The following NRG2 variants were observed in gnomAD, a reference collection of about 807,000 sequenced individuals.
NRG2 encodes the protein neuregulin 2.
In NRG2, 27 loss-of-function variants were observed where a neutral mutation model predicts 73.9. The ratio of observed to expected loss-of-function variants is 0.37; its 90% CI spans 0.27 to 0.50. NRG2 has a LOEUF of 0.50. Ranked by LOEUF, NRG2 falls within the 20% of genes least tolerant of loss-of-function variation. NRG2 has a pLI of 0.96. For missense variants in NRG2, 1,126 were observed against 1,210.1 expected, an observed-to-expected ratio of 0.93 and a Z score of 1.03; for synonymous variants, 532 against 541.0, an observed-to-expected ratio of 0.98 and a Z score of 0.23.
chr5:139,979,445 C>T (rs551559295), intron 1 of NRG2, among the ~76,000 whole-genome samples: 392 of 152,308 alleles, frequency 2.6e-3, no homozygotes, highest in Admixed American at 4.6e-3. Context: ...GGTCGGCAGC[C>T]TCTAGGTCAG....
At chr5:139,899,969 A>G (rs1405516930) in intron 1 of NRG2, among the ~76,000 whole-genome samples, 1 of 152,208 alleles carries the variant, frequency 6.6e-6, no homozygotes, top group African/African-American at 2.4e-5. Context: ...ATAAAATAAT[A>G]CCTATACTTT....
Position 139,865,057 on chromosome 5 carries a change from C to T in NRG2, c.1189+492G>A. On this transcript the variant is annotated intron_variant, in intron 5 of 9. Coordinates refer to ENST00000361474, the MANE Select transcript of NRG2 (RefSeq NM_004883.3). This position sits in a 1 kb window ranked among gnomAD's most constrained non-coding sequence, Gnocchi z 5.2. ...TCTTGCTAAGCAAGGCCCCATCCCT[C>T]CCCAGGGGGAGACTGTCAGTCACCA... is the stretch of plus-strand genomic sequence containing the variant. The T allele has an allele frequency of 6.9e-7, 1 of 1,458,032 alleles. No individual in the cohort carries two copies. Among genetic ancestry groups the T allele is most frequent in the South Asian group, 1.1e-5 (1 of 87,806 alleles). The allele number at this position is 1,458,032 out of a possible 1,614,324, so 90.3% of individuals were successfully genotyped here.
chr5:140,042,301 CG>C, intron 1 of NRG2, 68 bp downstream of exon 1: 3 of 1,261,854 alleles, frequency 2.4e-6, no homozygotes, highest in South Asian at 4.0e-5. Flanking sequence ...AGCACCTCCC[CG>C]CCCCACCCCC....
intron 1 of NRG2, among the ~76,000 whole-genome samples, chr5:139,940,420 T>A (rs264357): frequency 0.22 from 33,415 of 152,158 alleles, 4,784 homozygotes; most frequent in African/African-American, 0.41. Flanking sequence ...GCATGAGAAA[T>A]TTTTTTGTGA....
Position 139,904,183 on chromosome 5 carries a change from G to A in NRG2, c.701-16672C>T. The A allele has an allele frequency of 2.0e-6, 2 of 1,004,062 alleles. No homozygotes were observed. Among genetic ancestry groups the A allele is most frequent in the Non-Finnish European group, 2.6e-6 (2 of 757,026 alleles). The allele number at this position is 1,004,062 out of a possible 1,614,324, so 62.2% of individuals were successfully genotyped here. The stretch of plus-strand genomic sequence containing the variant: ...TCGCACGCAGGCACGCGCGCCCTCG[G>A]TGCCTGTCACCGCGGCGGCCGCTAG... On this transcript the variant is annotated intron_variant, in intron 1 of 9. Coordinates refer to ENST00000361474, the MANE Select transcript of NRG2 (RefSeq NM_004883.3). The surrounding 1 kb of genome is among the most constrained non-coding windows in gnomAD (Gnocchi z 6.0).
At chr5:139,939,835 CA>C (rs896954939) in intron 1 of NRG2, among the ~76,000 whole-genome samples, 8 of 151,354 alleles carry the variant, frequency 5.3e-5, no homozygotes, top group East Asian at 1.9e-4. Context: ...GACACTTGAC[CA>C]AAAAAAATAT....
intron 1 of NRG2, among the ~76,000 whole-genome samples, chr5:139,989,815 A>C (rs1398030262): frequency 4.7e-5 from 7 of 150,166 alleles, no homozygotes; most frequent in Admixed American, 2.0e-4. Context: ...TTTGAGACAG[A>C]GTCTTGCCTT....
chr5:140,041,147 C>G (rs894375933), intron 1 of NRG2, among the ~76,000 whole-genome samples: 1 of 152,156 alleles, frequency 6.6e-6, no homozygotes, highest in African/African-American at 2.4e-5. Flanking sequence ...TCAAACAAAG[C>G]CTGTCTACAC....
intron 1 of NRG2, among the ~76,000 whole-genome samples, chr5:140,034,281 C>G (rs1472342538): frequency 6.6e-6 from 1 of 152,004 alleles, no homozygotes; most frequent in South Asian, 2.1e-4. Context: ...TTTCTAAACC[C>G]GGGTCCATCC....
intron 1 of NRG2, among the ~76,000 whole-genome samples, chr5:140,024,019 C>G (rs11954449): frequency 0.013 from 1,942 of 152,230 alleles, 34 homozygotes; most frequent in African/African-American, 0.044. Flanking sequence ...AAAGGTCAAA[C>G]AGACGTAAAA....
intron 1 of NRG2, among the ~76,000 whole-genome samples, chr5:140,004,262 A>G (rs1758722676): frequency 6.6e-6 from 1 of 152,248 alleles, no homozygotes; most frequent in Non-Finnish European, 1.5e-5. Context: ...ACAGTATTCT[A>G]CAATTAATCA....
intron 1 of NRG2, among the ~76,000 whole-genome samples, chr5:139,981,187 G>C (rs1223886488): frequency 1.3e-5 from 2 of 152,202 alleles, no homozygotes; most frequent in African/African-American, 4.8e-5. Flanking sequence ...AGTGCAGAGC[G>C]ATTGCTCACA....
Position 139,856,050 on chromosome 5 carries a change from A to T in NRG2, c.1190-272T>A. On this transcript the variant is annotated intron_variant, in intron 5 of 9. Coordinates refer to ENST00000361474, the MANE Select transcript of NRG2 (RefSeq NM_004883.3). The surrounding 1 kb of genome is among the most constrained non-coding windows in gnomAD (Gnocchi z 4.2). ...CAAGCCCCATGCCTGCCCAGAGCAC[A>T]TGAGTGGAAAATGCAGGGGAATGGG... 2.1e-6 allele frequency: 1 copy of T among 470,272 alleles called. No homozygotes were observed. Among genetic ancestry groups the T allele is most frequent in the Non-Finnish European group, 3.9e-6 (1 of 257,538 alleles). 29.1% of individuals were successfully genotyped at this position (470,272 alleles called of 1,614,324 possible).
At chr5:140,003,742 T>C (rs1758678723) in intron 1 of NRG2, among the ~76,000 whole-genome samples, 2 of 152,218 alleles carry the variant, frequency 1.3e-5, no homozygotes, top group African/African-American at 4.8e-5. Context: ...AGTTTGTCAC[T>C]AGAGTAAAAA....
chr5:139,944,053 T>C (rs1222588379), intron 1 of NRG2, among the ~76,000 whole-genome samples: 1 of 152,140 alleles, frequency 6.6e-6, no homozygotes. Flanking sequence ...AGTTATTTGA[T>C]TTTTTTCAAC....
rs74704013 is a variant in NRG2, at chr5:140,005,370, G to A, written c.700+37000C>T. The stretch of plus-strand genomic sequence containing the variant: ...AGCTGGTGCTTCCCCATACTCTCAC[G>A]CCTCAGCAGCGTGGCAAAACCAACA... On this transcript the variant is annotated intron_variant, in intron 1 of 9. Transcript: ENST00000361474. 6.6e-5 allele frequency among the ~76,000 whole-genome samples: 10 copies of A among 152,256 alleles called. No homozygotes were observed. The East Asian group carries it at 7.7e-4, about 12-fold the overall frequency.
At chr5:139,940,124 A>G (rs767325162) in intron 1 of NRG2, among the ~76,000 whole-genome samples, 10 of 152,202 alleles carry the variant, frequency 6.6e-5, no homozygotes, top group Non-Finnish European at 1.3e-4. Flanking sequence ...AGAAATAAGA[A>G]CATGTCCACA....
chr5:139,934,565 A>C lies in NRG2; in HGVS notation c.701-47054T>G, dbSNP rs143866471. 4.6e-3 allele frequency among the ~76,000 whole-genome samples: 705 copies of C among 152,362 alleles called. 6 individuals carry two copies. The highest frequency in any genetic ancestry group is 0.016 in the African/African-American group (663 of 41,590). Reference sequence around the variant, plus strand: ...TGAAATCACGAAAAAGAAAAAAACAAAGAACAGATGAGACAAATAGAAAAC... The same window carrying C: ...TGAAATCACGAAAAAGAAAAAAACACAGAACAGATGAGACAAATAGAAAAC... On this transcript the variant is annotated intron_variant, in intron 1 of 9. Transcript: ENST00000361474.
In NRG2 at chr5:140,042,946, C is replaced by CGCTGCTGCTGCT. The variant is rs756281194; in HGVS notation, c.112_123dup (p.Ser38_Ser41dup). ...CTGCTCCTGCTGCTGCTGCCGCTCTCGCTGCTGCTGCTGCTGCTGCTGCTG... is the reference window on the plus strand; with the variant it reads ...CTGCTCCTGCTGCTGCTGCCGCTCTCGCTGCTGCTGCTGCTGCTGCTGCTGCTGCTGCTGCTG... On this transcript the variant is annotated inframe_insertion, in exon 1 of 10. Transcript: ENST00000361474. 60 of 1,532,794 alleles carry CGCTGCTGCTGCT rather than the reference C, an allele frequency of 3.9e-5. No individual in the cohort carries two copies. The Admixed American group carries it at 3.9e-4, about 10-fold the overall frequency. The allele number at this position is 1,532,794 out of a possible 1,614,324, so 94.9% of individuals were successfully genotyped here.
Sources: gnomAD v4.1 joint callset for allele counts (sites outside exome capture counted in the v4.1 genomes callset) on GRCh38, gnomAD v4.1.1 for gene constraint, Gnocchi (gnomAD v3.1) non-coding constraint, MANE v1.5 for transcripts, NCBI Gene and HGNC (gene_info 2026-07-23, HGNC 2026-07-21) for gene names.